SYK: variants seen among roughly 807,000 people sequenced by gnomAD.
SYK encodes spleen associated tyrosine kinase.
SYK carries 16 observed loss-of-function variants against 77.8 expected under a neutral mutation model. The observed-to-expected ratio is 0.21, with a 90% CI of 0.14 to 0.31. The LOEUF (loss-of-function observed/expected upper bound fraction) is 0.31. Among genes scored for constraint, SYK ranks in the 10% least tolerant of loss-of-function variants. The probability of loss-of-function intolerance (pLI) is 1.00; values close to 1 mark genes in which losing one functional copy is unlikely to be tolerated. For synonymous variants in SYK, 312 were observed against 308.7 expected (o/e 1.01, Z -0.11); for missense variants, 529 against 814.4 (o/e 0.65, Z 4.26).
intron 6 of SYK, among the ~76,000 whole-genome samples, chr9:90,866,012 C>T (rs966258020): frequency 6.6e-5 from 10 of 150,892 alleles, no homozygotes; most frequent in Non-Finnish European, 1.3e-4. Flanking sequence ...CATTCTCCTG[C>T]CTCAGCCTCG....
intron 9 of SYK, among the ~76,000 whole-genome samples, chr9:90,875,105 A>T (rs1256911630): frequency 1.3e-5 from 2 of 152,166 alleles, no homozygotes. Context: ...AACATAAGAA[A>T]ATAAAAACAT....
At chr9:90,887,099 A>G (rs962075309) in intron 11 of SYK, among the ~76,000 whole-genome samples, 1 of 152,216 alleles carries the variant, frequency 6.6e-6, no homozygotes, top group Non-Finnish European at 1.5e-5. Flanking sequence ...GTAAATGAAG[A>G]GGATATTTCC....
chr9:90,881,812 G>A (rs772863541), intron 11 of SYK, among the ~76,000 whole-genome samples: 2 of 152,156 alleles, frequency 1.3e-5, no homozygotes, highest in Non-Finnish European at 2.9e-5. Flanking sequence ...AAAAACACAG[G>A]TGTTCTTTGA....
intron 11 of SYK, among the ~76,000 whole-genome samples, chr9:90,884,196 C>A (rs967304314): frequency 6.6e-6 from 1 of 151,732 alleles, no homozygotes; most frequent in Admixed American, 6.6e-5. Flanking sequence ...TACACACATA[C>A]ACATACGTGT....
rs575057764 is a variant in SYK, at chr9:90,854,052, G to A, written c.579-8154G>A. Reference sequence around the variant, plus strand: ...CCGGGCATCTACAGAACCCCAGTCCGAGCCCCAGGAGGCAGCACCATGTCA... The same window carrying A: ...CCGGGCATCTACAGAACCCCAGTCCAAGCCCCAGGAGGCAGCACCATGTCA... On this transcript the variant is annotated intron_variant, in intron 3 of 13. Transcript: ENST00000375754. Among the ~76,000 whole-genome samples the A allele has an allele frequency of 1.2e-3, 180 of 152,222 alleles. 1 individual carries two copies. The highest frequency in any genetic ancestry group is 4.2e-3 in the African/African-American group (173 of 41,536).
At position 90,845,633 on chromosome 9, in the gene SYK, G is replaced by T. The variant is rs114502181; in HGVS notation, c.578+39G>T. On this transcript the variant is annotated intron_variant, in intron 3 of 13. Coordinates refer to ENST00000375754, the MANE Select transcript of SYK (RefSeq NM_003177.7). ...CTTCCCCCTCACCTCCTGCCACCAG[G>T]CCTGTGTGGACAATTGGGAATAATT... 1,412 of 1,602,662 alleles carry T rather than the reference G, an allele frequency of 8.8e-4. 7 individuals carry two copies. The African/African-American group carries it at 0.016, about 18-fold the overall frequency.
intron 6 of SYK, among the ~76,000 whole-genome samples, chr9:90,866,489 C>T (rs1251717679): frequency 1.3e-5 from 2 of 152,142 alleles, no homozygotes; most frequent in African/African-American, 4.8e-5. Flanking sequence ...TTGCCCTTTA[C>T]AGGGCTCACA....
intron 13 of SYK, among the ~76,000 whole-genome samples, chr9:90,889,545 C>A (rs144791228): frequency 1.4e-4 from 22 of 152,354 alleles, no homozygotes; most frequent in African/African-American, 5.3e-4. Context: ...CCTCCCCTCC[C>A]CACCCTGGGA....
intron 1 of SYK, among the ~76,000 whole-genome samples, chr9:90,820,323 A>C (rs1013435463): frequency 6.6e-6 from 1 of 152,100 alleles, no homozygotes; most frequent in Admixed American, 6.5e-5. Flanking sequence ...CTGTGACCCC[A>C]CATTTCCCTT....
At chr9:90,807,742 C>T (rs1351546900) in intron 1 of SYK, among the ~76,000 whole-genome samples, 2 of 152,166 alleles carry the variant, frequency 1.3e-5, no homozygotes, top group African/African-American at 4.8e-5. Flanking sequence ...AACTGATACA[C>T]GAGTACATAT....
chr9:90,893,922 G>T (rs904616225), intron 13 of SYK, among the ~76,000 whole-genome samples: 1 of 152,182 alleles, frequency 6.6e-6, no homozygotes, highest in Admixed American at 6.5e-5. Context: ...AGCTGGGCAC[G>T]CAAGGGCACT....
intron 13 of SYK, among the ~76,000 whole-genome samples, chr9:90,891,586 T>C (rs1026598901): frequency 2.0e-5 from 3 of 152,210 alleles, no homozygotes; most frequent in Non-Finnish European, 2.9e-5. Context: ...CTTTTTGTTA[T>C]AAAAGACATG....
At chr9:90,862,151 T>G (rs1033635038) in intron 3 of SYK, 55 bp from the exon 4 acceptor site, 1 of 1,543,102 alleles carries the variant, frequency 6.5e-7, no homozygotes, top group Non-Finnish European at 8.8e-7. Context: ...CCTCCCAGGG[T>G]CCCACCTGGA....
At chr9:90,829,300 A>G (rs929652903) in intron 1 of SYK, among the ~76,000 whole-genome samples, 1 of 152,114 alleles carries the variant, frequency 6.6e-6, no homozygotes, top group African/African-American at 2.4e-5. Flanking sequence ...AAAAAAAAAA[A>G]AAATCACCTA....
At chr9:90,855,496 C>T (rs1053309127) in intron 3 of SYK, among the ~76,000 whole-genome samples, 1 of 152,150 alleles carries the variant, frequency 6.6e-6, no homozygotes, top group Admixed American at 6.5e-5. Flanking sequence ...GTGGACACAA[C>T]CCTTTTTCTT....
intron 11 of SYK, among the ~76,000 whole-genome samples, chr9:90,883,355 T>C (rs1448139416): frequency 1.3e-5 from 2 of 151,976 alleles, no homozygotes; most frequent in Non-Finnish European, 2.9e-5. Context: ...GTCTGTGTCC[T>C]TCCTTGGGCC....
At chr9:90,884,706 CATAT>C (rs371810695) in intron 11 of SYK, among the ~76,000 whole-genome samples, 7 of 26,164 alleles carry the variant, frequency 2.7e-4, no homozygotes, top group Admixed American at 3.9e-4. Context: ...TGTACATGTA[CATAT>C]ACACATATAC....
At position 90,897,401 on chromosome 9, in the gene SYK, A is replaced by G. The variant is rs199822713; in HGVS notation, c.*1801A>G. 2.2e-5 allele frequency: 5 copies of G among 232,058 alleles called. No homozygotes were observed. In the South Asian group the frequency reaches 9.1e-4, roughly 42 times the overall value. 14.4% of individuals were successfully genotyped at this position (232,058 alleles called of 1,614,324 possible). A position where few individuals can be genotyped will look rare whatever the true frequency, so the allele number is the denominator to read the frequency against. ...CCCTGAAATTAGAAAGATCAATGACAAAATATCTGTCAGCCAGGCCACAAA... is the reference window on the plus strand; with the variant it reads ...CCCTGAAATTAGAAAGATCAATGACGAAATATCTGTCAGCCAGGCCACAAA... On this transcript the variant is annotated 3_prime_UTR_variant, in exon 14 of 14. Transcript: ENST00000375754.
intron 6 of SYK, among the ~76,000 whole-genome samples, chr9:90,865,675 C>T (rs1037076051): frequency 6.6e-6 from 1 of 152,044 alleles, no homozygotes; most frequent in African/African-American, 2.4e-5. Context: ...ATACACAATG[C>T]GAATGAAACC....
Sources: allele counts gnomAD v4.1 joint callset (sites outside exome capture counted in the v4.1 genomes callset), GRCh38; gene constraint gnomAD v4.1.1; transcripts MANE v1.5; gene names NCBI Gene and HGNC (gene_info 2026-07-23, HGNC 2026-07-21).